The following SGMS1 variants were observed in gnomAD, a reference collection of about 807,000 sequenced individuals.
SGMS1 encodes the protein phosphatidylcholine:ceramide cholinephosphotransferase 1.
Under a neutral mutation model 46.2 loss-of-function variants are expected in SGMS1, and 13 were observed. The ratio of observed to expected loss-of-function variants is 0.28; its 90% CI spans 0.18 to 0.45. SGMS1 has a LOEUF of 0.45. Ranked by LOEUF, SGMS1 falls within the 20% of genes least tolerant of loss-of-function variation. The pLI is 1.00. For synonymous variants in SGMS1, 203 were observed against 187.8 expected (o/e 1.08, Z -0.66); for missense variants, 324 against 519.9 (o/e 0.62, Z 3.66).
At chr10:50,357,103 C>T (rs989742997) in intron 6 of SGMS1, among the ~76,000 whole-genome samples, 4 of 151,170 alleles carry the variant, frequency 2.6e-5, no homozygotes, top group South Asian at 2.1e-4. Context: ...AAAAACAGCA[C>T]GTGTTCATTA....
chr10:50,468,158 C>G (rs1012581565), intron 3 of SGMS1, among the ~76,000 whole-genome samples: 1 of 152,130 alleles, frequency 6.6e-6, no homozygotes, highest in African/African-American at 2.4e-5. Flanking sequence ...TCCTATGAAG[C>G]CTGTTTTGCT....
chr10:50,516,244 A>G (rs575459987), intron 3 of SGMS1, among the ~76,000 whole-genome samples: 6 of 152,352 alleles, frequency 3.9e-5, no homozygotes, highest in Admixed American at 1.3e-4. Flanking sequence ...AAGGCAACTT[A>G]GCATTCTACA....
intron 3 of SGMS1, among the ~76,000 whole-genome samples, chr10:50,495,196 C>T (rs1006683789): frequency 7.4e-6 from 1 of 135,796 alleles, no homozygotes; most frequent in Non-Finnish European, 1.5e-5. Flanking sequence ...TGAGATCGCA[C>T]CACTGCACTC....
chr10:50,407,317 G>A (rs1313544484), intron 6 of SGMS1, among the ~76,000 whole-genome samples: 4 of 152,230 alleles, frequency 2.6e-5, no homozygotes, highest in South Asian at 2.1e-4. Flanking sequence ...GAATAGCACA[G>A]GTAATAAAAC....
In SGMS1 at chr10:50,378,267, C is replaced by T. The variant is rs541041734; in HGVS notation, c.-231-33922G>A. 3.9e-5 allele frequency among the ~76,000 whole-genome samples: 6 copies of T among 152,240 alleles called. No homozygotes were observed. The South Asian group carries it at 6.2e-4, about 16-fold the overall frequency. On this transcript the variant is annotated intron_variant, in intron 6 of 10. Coordinates refer to ENST00000361781, the MANE Select transcript of SGMS1 (RefSeq NM_147156.4). ...GATTCCTCTTCAAATTCCTTCTTTA[C>T]GGCAGAGCAACCCAAACAAAACAAC...
intron 2 of SGMS1, among the ~76,000 whole-genome samples, chr10:50,562,418 T>G (rs1838248100): frequency 6.6e-6 from 1 of 151,420 alleles, no homozygotes; most frequent in South Asian, 2.1e-4. Flanking sequence ...ACGCACCCAC[T>G]ACCACAATCA....
At chr10:50,580,878 A>G (rs1404860658) in intron 2 of SGMS1, among the ~76,000 whole-genome samples, 1 of 152,214 alleles carries the variant, frequency 6.6e-6, no homozygotes, top group African/African-American at 2.4e-5. Flanking sequence ...CGAGTCAACC[A>G]TACACTTAAA....
intron 6 of SGMS1, among the ~76,000 whole-genome samples, chr10:50,400,285 C>G (rs574105721): frequency 2.0e-5 from 3 of 151,616 alleles, no homozygotes; most frequent in African/African-American, 7.3e-5. Flanking sequence ...TACTCACCCA[C>G]TCTGTGATGC....
At chr10:50,483,726 A>C (rs1021012754) in intron 3 of SGMS1, among the ~76,000 whole-genome samples, 2 of 152,218 alleles carry the variant, frequency 1.3e-5, no homozygotes, top group African/African-American at 4.8e-5. Context: ...ATTAGAACTC[A>C]AGATTAAGAA....
intron 2 of SGMS1, among the ~76,000 whole-genome samples, chr10:50,534,108 C>T (rs780416745): frequency 6.6e-6 from 1 of 151,660 alleles, no homozygotes; most frequent in Non-Finnish European, 1.5e-5. Context: ...AACTATGCAT[C>T]TATGTATTTA....
intron 5 of SGMS1, among the ~76,000 whole-genome samples, chr10:50,438,523 C>A (rs1309138294): frequency 6.6e-6 from 1 of 152,208 alleles, no homozygotes; most frequent in Non-Finnish European, 1.5e-5. Flanking sequence ...GCAGCCATAG[C>A]TGATGCTTGA....
intron 6 of SGMS1, among the ~76,000 whole-genome samples, chr10:50,398,439 T>C (rs139258747): frequency 2.0e-5 from 3 of 152,318 alleles, no homozygotes; most frequent in Admixed American, 6.5e-5. Flanking sequence ...ATTTTAAAAA[T>C]TATTTTAATA....
chr10:50,383,995 C>T (rs999068761), intron 6 of SGMS1, among the ~76,000 whole-genome samples: 2 of 152,066 alleles, frequency 1.3e-5, no homozygotes, highest in African/African-American at 4.8e-5. Flanking sequence ...ATAAAGGAGA[C>T]CCTAGAGGAC....
chr10:50,365,268 A>G (rs1243091437), intron 6 of SGMS1, among the ~76,000 whole-genome samples: 1 of 149,690 alleles, frequency 6.7e-6, no homozygotes, highest in Non-Finnish European at 1.5e-5. Flanking sequence ...AAAAAAAAAA[A>G]AAAAAAAAAA....
intron 5 of SGMS1, among the ~76,000 whole-genome samples, chr10:50,456,171 C>G (rs568560464): frequency 1.3e-5 from 2 of 152,226 alleles, no homozygotes; most frequent in African/African-American, 4.8e-5. Flanking sequence ...TTTTCACAGT[C>G]TTTACTCCCT....
chr10:50,583,361 G>A (rs1838452794), intron 2 of SGMS1, among the ~76,000 whole-genome samples: 1 of 152,064 alleles, frequency 6.6e-6, no homozygotes, highest in South Asian at 2.1e-4. Flanking sequence ...AATCCTCTTG[G>A]TAACTGCCCT....
chr10:50,624,631 G>T (rs908912229), upstream of SGMS1: 1 of 985,410 alleles, frequency 1.0e-6, no homozygotes, highest in Non-Finnish European at 1.2e-6. Context: ...TCCGAGCTGC[G>T]GCGAAAACCC....
At chr10:50,568,367 G>C (rs1490528794) in intron 2 of SGMS1, among the ~76,000 whole-genome samples, 1 of 152,200 alleles carries the variant, frequency 6.6e-6, no homozygotes, top group East Asian at 1.9e-4. Context: ...ACACTTGAAA[G>C]AACAAAACAA....
intron 3 of SGMS1, among the ~76,000 whole-genome samples, chr10:50,475,611 T>C (rs1247053389): frequency 6.6e-6 from 1 of 152,174 alleles, no homozygotes; most frequent in Non-Finnish European, 1.5e-5. Context: ...CCAAATCTCA[T>C]GTTGAATTGT....
Sources: allele counts gnomAD v4.1 joint callset (sites outside exome capture counted in the v4.1 genomes callset), GRCh38; gene constraint gnomAD v4.1.1; transcripts MANE v1.5; gene names NCBI Gene and HGNC (gene_info 2026-07-23, HGNC 2026-07-21).